The following CADPS variants were observed in gnomAD, a reference collection of about 807,000 sequenced individuals.
The protein encoded by CADPS is calcium-dependent secretion activator 1.
A neutral mutation model predicts 167.3 loss-of-function variants in CADPS; 57 were observed. The observed-to-expected ratio is 0.34, with a 90% CI of 0.28 to 0.42. The LOEUF (loss-of-function observed/expected upper bound fraction) is 0.42. Among genes scored for constraint, CADPS ranks in the 20% least tolerant of loss-of-function variants. The pLI, the probability that CADPS is intolerant of heterozygous loss-of-function variation, is 1.00. For synonymous variants in CADPS, 676 were observed against 635.3 expected (o/e 1.06, Z -0.96); for missense variants, 1,414 against 1,738.1 (o/e 0.81, Z 3.32).
chr3:62,819,412 G>C (rs952748320), intron 1 of CADPS, among the ~76,000 whole-genome samples: 1 of 73,488 alleles, frequency 1.4e-5, no homozygotes, highest in African/African-American at 4.8e-5. Flanking sequence ...GTGTGCGTGT[G>C]TGTGTGTGTG....
chr3:62,498,847 A>G (rs1231162660), intron 18 of CADPS, among the ~76,000 whole-genome samples: 1 of 146,670 alleles, frequency 6.8e-6, no homozygotes, highest in Non-Finnish European at 1.5e-5. Context: ...CAAAAAACCA[A>G]AAAATATTTT....
At chr3:62,481,101 C>T (rs2061953853) in intron 22 of CADPS, among the ~76,000 whole-genome samples, 1 of 152,138 alleles carries the variant, frequency 6.6e-6, no homozygotes, top group Non-Finnish European at 1.5e-5. Context: ...CTTCTCATTA[C>T]CTAGCTCTCA....
intron 28 of CADPS, among the ~76,000 whole-genome samples, chr3:62,426,608 C>T (rs1042149758): frequency 3.9e-5 from 6 of 152,178 alleles, no homozygotes; most frequent in African/African-American, 1.4e-4. Flanking sequence ...TGTTTTTATC[C>T]ACTTTTTTTA....
chr3:62,401,436 G>A (rs1706080946), intron 29 of CADPS, among the ~76,000 whole-genome samples: 1 of 152,196 alleles, frequency 6.6e-6, no homozygotes. Context: ...TAATATACAA[G>A]TAGAGGCCCA....
At chr3:62,611,906 G>A (rs1268791863) in intron 6 of CADPS, among the ~76,000 whole-genome samples, 4 of 152,002 alleles carry the variant, frequency 2.6e-5, no homozygotes, top group Non-Finnish European at 4.4e-5. Context: ...ATTGCCACCC[G>A]ACATATGTTT....
At chr3:62,408,259 G>A (rs557281816) in intron 28 of CADPS, among the ~76,000 whole-genome samples, 5 of 152,322 alleles carry the variant, frequency 3.3e-5, no homozygotes, top group Non-Finnish European at 5.9e-5. Context: ...GGTTGTACAA[G>A]TGCAGGATCA....
At position 62,659,385 on chromosome 3, in the gene CADPS, G is replaced by A. The variant is rs145170485; in HGVS notation, c.969+2929C>T. On this transcript the variant is annotated intron_variant, in intron 4 of 29. Transcript: ENST00000383710. ...CACAATTTTCATCAGTATTAGCCAG[G>A]CTGGTTTAGGCAAGGGGAGAATTTA... 2.5e-3 allele frequency among the ~76,000 whole-genome samples: 375 copies of A among 152,206 alleles called. 1 individual carries two copies. The highest frequency in any genetic ancestry group is 8.4e-3 in the African/African-American group (349 of 41,532).
chr3:62,657,369 C>T (rs1182996838), intron 4 of CADPS, among the ~76,000 whole-genome samples: 1 of 152,048 alleles, frequency 6.6e-6, no homozygotes, highest in African/African-American at 2.4e-5. Context: ...TATGATTTGT[C>T]TTAAATAATT....
At chr3:62,806,764 TA>T (rs879434008) in intron 1 of CADPS, among the ~76,000 whole-genome samples, 4 of 152,192 alleles carry the variant, frequency 2.6e-5, no homozygotes, top group African/African-American at 9.6e-5. Flanking sequence ...GTGATTTTTT[TA>T]AAAAAGGAAA....
At chr3:62,687,203 T>C (rs1475567201) in intron 3 of CADPS, among the ~76,000 whole-genome samples, 1 of 152,120 alleles carries the variant, frequency 6.6e-6, no homozygotes, top group South Asian at 2.1e-4. Context: ...ATCCCTCCCA[T>C]CTGTTCTTGT....
At chr3:62,789,074 G>A (rs1332738995) in intron 1 of CADPS, among the ~76,000 whole-genome samples, 3 of 152,102 alleles carry the variant, frequency 2.0e-5, no homozygotes, top group Admixed American at 1.3e-4. Context: ...GATTTTATTG[G>A]CCAGATTGTG....
intron 9 of CADPS, among the ~76,000 whole-genome samples, chr3:62,568,313 T>A (rs1385643821): frequency 6.6e-6 from 1 of 152,226 alleles, no homozygotes; most frequent in African/African-American, 2.4e-5. Flanking sequence ...ACAGTTGAGT[T>A]GGTGGCCTAG....
chr3:62,825,615 C>T (rs1345954743), intron 1 of CADPS, among the ~76,000 whole-genome samples: 1 of 152,124 alleles, frequency 6.6e-6, no homozygotes, highest in African/African-American at 2.4e-5. Context: ...AAAGGTAAGG[C>T]CATTTGTCAC....
chr3:62,538,688 G>T (rs781556412), intron 11 of CADPS, among the ~76,000 whole-genome samples: 7 of 152,152 alleles, frequency 4.6e-5, no homozygotes, highest in Non-Finnish European at 8.8e-5. Context: ...CTTCAATTAT[G>T]ATGGTACAAC....
chr3:62,699,752 A>G (rs1399007259), intron 3 of CADPS, among the ~76,000 whole-genome samples: 1 of 152,008 alleles, frequency 6.6e-6, no homozygotes, highest in Non-Finnish European at 1.5e-5. Flanking sequence ...TATTTTTAGT[A>G]GAAATGGGGT....
chr3:62,593,317 C>T (rs551227139), intron 6 of CADPS, among the ~76,000 whole-genome samples: 1 of 152,292 alleles, frequency 6.6e-6, no homozygotes, highest in East Asian at 1.9e-4. Flanking sequence ...GTGGGAAATG[C>T]CATTCCCTGC....
chr3:62,684,214 T>G (rs2077596188), intron 3 of CADPS, among the ~76,000 whole-genome samples: 1 of 152,088 alleles, frequency 6.6e-6, no homozygotes, highest in Admixed American at 6.6e-5. Context: ...CAGTATGGAC[T>G]TAGGAAAGTT....
chr3:62,591,067 A>C (rs1267634651), intron 7 of CADPS, among the ~76,000 whole-genome samples: 2 of 152,112 alleles, frequency 1.3e-5, no homozygotes, highest in Admixed American at 6.5e-5. Flanking sequence ...CATGTTGGCC[A>C]GGCTGGTCTC....
chr3:62,655,179 G>C (rs189792312), intron 4 of CADPS, among the ~76,000 whole-genome samples: 11 of 152,288 alleles, frequency 7.2e-5, no homozygotes, highest in Admixed American at 1.3e-4. Context: ...TCTGGTGCAA[G>C]GACTTAAGCC....
Sources: allele counts gnomAD v4.1 joint callset (sites outside exome capture counted in the v4.1 genomes callset), GRCh38; gene constraint gnomAD v4.1.1; transcripts MANE v1.5; gene names NCBI Gene and HGNC (gene_info 2026-07-23, HGNC 2026-07-21).